ARB2A: variants seen among roughly 807,000 people sequenced by gnomAD.
ARB2A encodes the protein cotranscriptional regulator ARB2A.
At chr5:93,708,197 T>G in the ARB2A span, among the ~76,000 whole-genome samples, 2 of 152,204 alleles carry the variant, frequency 1.3e-5, no homozygotes, top group African/African-American at 4.8e-5. Context: ...AGAGTCATAT[T>G]GGGATACATT....
At chr5:93,810,718 T>C in the ARB2A span, among the ~76,000 whole-genome samples, 3 of 152,060 alleles carry the variant, frequency 2.0e-5, no homozygotes, top group Non-Finnish European at 4.4e-5. Context: ...TAAATAATAT[T>C]TAATGACCAA....
At chr5:93,930,370 T>A in the ARB2A span, among the ~76,000 whole-genome samples, 84 of 152,206 alleles carry the variant, frequency 5.5e-4, no homozygotes, top group Non-Finnish European at 9.1e-4. Flanking sequence ...GCCCCACTTA[T>A]CCAGCAGTAA....
At chr5:93,881,752 A>G in the ARB2A span, 3 of 1,222,826 alleles carry the variant, frequency 2.5e-6, no homozygotes, top group Non-Finnish European at 3.2e-6. Context: ...TTTTCAAAAA[A>G]GTTCTTAAAA....
At chr5:93,816,455 T>G in the ARB2A span, among the ~76,000 whole-genome samples, 2 of 152,196 alleles carry the variant, frequency 1.3e-5, no homozygotes, top group Non-Finnish European at 2.9e-5. Context: ...TGTCAATTCC[T>G]TTGAGTTCCC....
At chr5:93,856,193 G>A in the ARB2A span, among the ~76,000 whole-genome samples, 10 of 152,262 alleles carry the variant, frequency 6.6e-5, no homozygotes, top group Admixed American at 5.2e-4. Flanking sequence ...TGGGTAACCC[G>A]ACCTTTCTCT....
the ARB2A span, among the ~76,000 whole-genome samples, chr5:93,638,621 T>C: frequency 2.6e-5 from 4 of 151,226 alleles, no homozygotes; most frequent in African/African-American, 4.9e-5. Context: ...GAGACCAGCC[T>C]GACCAACATG....
the ARB2A span, among the ~76,000 whole-genome samples, chr5:93,838,174 A>T: frequency 1.3e-5 from 2 of 152,024 alleles, no homozygotes; most frequent in Non-Finnish European, 2.9e-5. Context: ...TCTTAAATTG[A>T]TCTGTGTATA....
chr5:94,021,266 C>T, the ARB2A span, among the ~76,000 whole-genome samples: 5 of 152,166 alleles, frequency 3.3e-5, no homozygotes, highest in Non-Finnish European at 7.3e-5. Flanking sequence ...ATCATATTCA[C>T]AAGCAGATAG....
the ARB2A span, among the ~76,000 whole-genome samples, chr5:93,982,765 C>T: frequency 6.6e-6 from 1 of 152,022 alleles, no homozygotes; most frequent in Non-Finnish European, 1.5e-5. Context: ...CTAAATATAC[C>T]TAAAAAGGGA....
At chr5:93,969,619 G>A in the ARB2A span, among the ~76,000 whole-genome samples, 2 of 151,904 alleles carry the variant, frequency 1.3e-5, no homozygotes, top group Admixed American at 6.6e-5. Flanking sequence ...GGAGAGCAGG[G>A]GTGATCAATG....
chr5:93,710,815 T>G, the ARB2A span, among the ~76,000 whole-genome samples: 1 of 152,194 alleles, frequency 6.6e-6, no homozygotes, highest in Non-Finnish European at 1.5e-5. Context: ...GCAAACATTT[T>G]AGTTAGTCTG....
the ARB2A span, among the ~76,000 whole-genome samples, chr5:94,107,245 A>G: frequency 2.0e-5 from 3 of 152,156 alleles, no homozygotes; most frequent in Non-Finnish European, 4.4e-5. Context: ...TTTCCTCCAA[A>G]TGGAGACAAC....
the ARB2A span, among the ~76,000 whole-genome samples, chr5:93,970,508 A>G: frequency 6.6e-6 from 1 of 152,208 alleles, no homozygotes; most frequent in African/African-American, 2.4e-5. Context: ...AATGCTTAAA[A>G]TATTTTAAAA....
chr5:93,857,657 G>A, the ARB2A span, among the ~76,000 whole-genome samples: 1 of 152,146 alleles, frequency 6.6e-6, no homozygotes, highest in Non-Finnish European at 1.5e-5. Context: ...TATTAGGGTG[G>A]GAGTGACCCG....
At chr5:94,082,501 A>C in the ARB2A span, among the ~76,000 whole-genome samples, 90 of 152,298 alleles carry the variant, frequency 5.9e-4, no homozygotes, top group African/African-American at 2.1e-3. Context: ...TGACACCAAC[A>C]ATAAAGTTTA....
At chr5:93,720,062 C>A in the ARB2A span, among the ~76,000 whole-genome samples, 1 of 152,168 alleles carries the variant, frequency 6.6e-6, no homozygotes, top group Non-Finnish European at 1.5e-5. Flanking sequence ...TTTATGAATT[C>A]TTTGTAAAAC....
the ARB2A span, among the ~76,000 whole-genome samples, chr5:93,699,310 T>C: frequency 6.6e-6 from 1 of 152,208 alleles, no homozygotes; most frequent in East Asian, 1.9e-4. Flanking sequence ...TAGCTGCGTA[T>C]AGGTAAGGCT....
the ARB2A span, among the ~76,000 whole-genome samples, chr5:93,942,348 A>G: frequency 2.0e-5 from 3 of 152,280 alleles, no homozygotes; most frequent in East Asian, 5.8e-4. Flanking sequence ...TAATGTAAAA[A>G]CATATTTTCA....
the ARB2A span, chr5:94,053,072 TATAGATAGATAGATAG>T: frequency 7.4e-5 from 47 of 638,516 alleles, no homozygotes; most frequent in South Asian, 1.8e-4. Flanking sequence ...TTGCATATAC[TATAGATAGATAGATAG>T]ATAGATAGAT....
Sources: gnomAD v4.1 joint callset for allele counts (sites outside exome capture counted in the v4.1 genomes callset) on GRCh38, gnomAD v4.1.1 for gene constraint, MANE v1.5 for transcripts, NCBI Gene and HGNC (gene_info 2026-07-23, HGNC 2026-07-21) for gene names.